EMX1: variants seen among roughly 807,000 people sequenced by gnomAD.
The protein encoded by EMX1 is empty spiracles homeobox 1.
Under a neutral mutation model 20.1 loss-of-function variants are expected in EMX1, and 10 were observed. That is an observed-to-expected ratio of 0.50 (90% CI 0.31 to 0.84). The LOEUF (loss-of-function observed/expected upper bound fraction) is 0.84. EMX1 is among the 40% of genes least tolerant of loss of function. The pLI is 0.05. For synonymous variants in EMX1, 250 were observed against 200.4 expected, an observed-to-expected ratio of 1.25 and a Z score of -2.09; for missense variants, 424 against 431.9, an observed-to-expected ratio of 0.98 and a Z score of 0.16.
chr2:72,923,525 A>C (rs2105265408), intron 1 of EMX1: 1 of 152,242 alleles, frequency 6.6e-6, no homozygotes, highest in Middle Eastern at 3.4e-3. Context: ...GGGTCTCTGG[A>C]CCGCCAAGGC....
At chr2:72,918,524 G>A in intron 1 of EMX1, 152 bp downstream of exon 1, 2 of 1,157,866 alleles carry the variant, frequency 1.7e-6, no homozygotes, top group Non-Finnish European at 2.2e-6. Flanking sequence ...GGGAAGAGCT[G>A]TGCGGCATCC....
chr2:72,917,944 C>A lies in EMX1; in HGVS notation c.92C>A (p.Ala31Asp), dbSNP rs867340548. ...RARLPRTAPA[A>D]ATMFQPAAKR... is the part of the protein sequence containing the mutation. ...CGGCTGCCTCGCACAGCTCCCGCGG[C>A]TGCGACCATGTTCCAGCCCGCGGCC... The change falls in exon 1 of 3, where the codon GCT becomes GAT. Residue 31 changes from alanine (A) to aspartate (D), a missense_variant. Transcript: ENST00000258106. 6.7e-7 allele frequency: 1 copy of A among 1,486,576 alleles called. No individual in the cohort carries two copies. Among genetic ancestry groups the A allele is most frequent in the African/African-American group, 1.5e-5 (1 of 68,602 alleles). 92.1% of individuals were successfully genotyped at this position (1,486,576 alleles called of 1,614,324 possible). A position where few individuals can be genotyped will look rare whatever the true frequency, so the allele number is the denominator to read the frequency against.
chr2:72,922,272 G>A (rs1304820888), intron 1 of EMX1, among the ~76,000 whole-genome samples: 2 of 152,190 alleles, frequency 1.3e-5, no homozygotes, highest in Non-Finnish European at 2.9e-5. Context: ...AGAAGCATTT[G>A]CTTTCCACCC....
chr2:72,933,589 C>T (rs775437682), intron 2 of EMX1, 198 bp from the exon 3 acceptor site: 27 of 620,930 alleles, frequency 4.3e-5, no homozygotes, highest in Non-Finnish European at 7.0e-5. Context: ...GTGTCCTCTT[C>T]CTGCCCTGCC....
upstream of EMX1, chr2:72,916,807 A>T (rs1670972236): frequency 2.8e-6 from 2 of 717,144 alleles, no homozygotes; most frequent in South Asian, 3.0e-5. Flanking sequence ...TGGATCTCCC[A>T]GTGCCGAGGC....
intron 1 of EMX1, among the ~76,000 whole-genome samples, chr2:72,919,325 A>T (rs932800973): frequency 4.7e-5 from 7 of 150,340 alleles, no homozygotes; most frequent in African/African-American, 1.7e-4. Flanking sequence ...TTTTTTTTTA[A>T]ATTTTATTTT....
At chr2:72,918,431 C>A in intron 1 of EMX1, 59 bp downstream of exon 1, 2 of 1,342,540 alleles carry the variant, frequency 1.5e-6, no homozygotes, top group Non-Finnish European at 1.9e-6. Flanking sequence ...TGCGGCGATG[C>A]GGGGGAGGCT....
At chr2:72,918,512 C>A in intron 1 of EMX1, 140 bp downstream of exon 1, 1 of 1,207,700 alleles carries the variant, frequency 8.3e-7, no homozygotes, top group Non-Finnish European at 1.1e-6. Flanking sequence ...GATTCCCAGG[C>A]AGGGAAGAGC....
At chr2:72,916,455 A>C, upstream of EMX1, 1 of 572,724 alleles carries the variant, frequency 1.7e-6, no homozygotes. Flanking sequence ...GCGCCCTCCT[A>C]GGCCTCGGAG....
intron 1 of EMX1, 90 bp downstream of exon 1, chr2:72,918,462 T>C (rs1671037646): frequency 1.5e-6 from 2 of 1,325,996 alleles, no homozygotes; most frequent in South Asian, 2.0e-5. Flanking sequence ...CGGGGCTGTT[T>C]AGAAGTTACT....
intron 2 of EMX1, chr2:72,933,197 G>A (rs974321961): frequency 6.6e-6 from 1 of 152,360 alleles, no homozygotes; most frequent in Non-Finnish European, 1.5e-5. Flanking sequence ...GTGCCCCCAG[G>A]GATAGTCTGG....
At chr2:72,919,179 C>CCACACACACACA (rs1559057463) in intron 1 of EMX1, among the ~76,000 whole-genome samples, 1 of 91,642 alleles carries the variant, frequency 1.1e-5, no homozygotes, top group African/African-American at 5.7e-5. Context: ...TCCACTGGCC[C>CCACACACACACA]TACACACACA....
chr2:72,924,293 G>C lies in EMX1; in HGVS notation c.521-16G>C. On this transcript the variant is annotated splice_polypyrimidine_tract_variant and intron_variant, in intron 1 of 2. Transcript: ENST00000258106. ...GTCTGTACCTGCGTGTGTTGCCGTC[G>C]GCGGCGGGGCCGCAGCCAGCGACGT... is the stretch of plus-strand genomic sequence containing the variant. The C allele has an allele frequency of 6.4e-7, 1 of 1,554,758 alleles. No individual in the cohort carries two copies. The highest frequency in any genetic ancestry group is 8.6e-7 in the Non-Finnish European group (1 of 1,157,628).
At chr2:72,917,269 T>G (rs2105258804), upstream of EMX1, among the ~76,000 whole-genome samples, 1 of 146,472 alleles carries the variant, frequency 6.8e-6, no homozygotes, top group East Asian at 2.1e-4. Flanking sequence ...TTCGGACGCC[T>G]TCTTCGGCTC....
intron 2 of EMX1, chr2:72,933,530 AC>A (rs902480754): frequency 5.5e-5 from 28 of 509,728 alleles, no homozygotes; most frequent in African/African-American, 4.4e-4. Context: ...CAGCTCTGTG[AC>A]CCTTTGTTTG....
Position 72,918,350 on chromosome 2 carries a change from C to T in EMX1, c.498C>T (p.Arg166=), listed in dbSNP as rs772947189. ...LHFYPWVLRN[R]FFGHRFQASD... is the part of the protein sequence containing the mutation. ...TCTACCCCTGGGTCCTGCGGAACCG[C>T]TTCTTCGGCCACCGCTTCCAGGGTG... Residue 166 remains arginine (R), a synonymous_variant, in exon 1 of 3, where the codon CGC becomes CGT. Transcript: ENST00000258106. The T allele has an allele frequency of 2.7e-6, 4 of 1,488,466 alleles. No individual in the cohort carries two copies. The highest frequency in any genetic ancestry group is 3.5e-6 in the Non-Finnish European group (4 of 1,127,520). 92.2% of individuals were successfully genotyped at this position (1,488,466 alleles called of 1,614,324 possible).
At chr2:72,922,140 G>T (rs1430232079) in intron 1 of EMX1, among the ~76,000 whole-genome samples, 2 of 152,224 alleles carry the variant, frequency 1.3e-5, no homozygotes, top group Admixed American at 1.3e-4. Context: ...CCCTGCCAAT[G>T]CTGGGATGAG....
intron 2 of EMX1, chr2:72,925,601 C>G (rs553331441): frequency 7.9e-7 from 1 of 1,272,034 alleles, no homozygotes; most frequent in African/African-American, 1.5e-5. Flanking sequence ...CTCCCCTTTC[C>G]TCCTAGTCTC....
intron 2 of EMX1, among the ~76,000 whole-genome samples, chr2:72,928,824 C>T (rs557472389): frequency 3.9e-5 from 6 of 152,234 alleles, no homozygotes; most frequent in African/African-American, 1.4e-4. Flanking sequence ...AGGATAGAAA[C>T]GCTTGAGAAG....
Sources: gnomAD v4.1 joint callset for allele counts (sites outside exome capture counted in the v4.1 genomes callset) on GRCh38, gnomAD v4.1.1 for gene constraint, MANE v1.5 for transcripts, NCBI Gene and HGNC (gene_info 2026-07-23, HGNC 2026-07-21) for gene names.